The following RAI14 variants were observed in gnomAD, a reference collection of about 807,000 sequenced individuals.
RAI14 encodes the protein ankycorbin.
In RAI14, 45 loss-of-function variants were observed where a neutral mutation model predicts 115.4. The ratio of observed to expected loss-of-function variants is 0.39; its 90% CI spans 0.31 to 0.50. The LOEUF is 0.50. RAI14 is among the 20% of genes least tolerant of loss of function. The probability of loss-of-function intolerance (pLI) is 0.85; values close to 1 mark genes in which losing one functional copy is unlikely to be tolerated. For synonymous variants in RAI14, 371 were observed against 415.4 expected (o/e 0.89, Z 1.30); for missense variants, 939 against 1,131.2 (o/e 0.83, Z 2.44).
chr5:34,743,261 C>T (rs1181341810), intron 2 of RAI14, among the ~76,000 whole-genome samples: 1 of 152,158 alleles, frequency 6.6e-6, no homozygotes, highest in Non-Finnish European at 1.5e-5. Flanking sequence ...TCCTTTTGGA[C>T]ATTCTGAAGG....
intron 1 of RAI14, among the ~76,000 whole-genome samples, chr5:34,671,126 A>G (rs998579226): frequency 3.3e-5 from 5 of 152,170 alleles, no homozygotes; most frequent in African/African-American, 2.4e-5. Context: ...TCTTAAGAAC[A>G]ATAAGGAGGA....
At chr5:34,794,575 G>C (rs1753288765) in intron 3 of RAI14, among the ~76,000 whole-genome samples, 1 of 152,246 alleles carries the variant, frequency 6.6e-6, no homozygotes, top group African/African-American at 2.4e-5. Context: ...AGTTGCGTGA[G>C]TAGAGCCAGG....
chr5:34,750,847 C>CTTTTTTTTTTTTTT (rs1561309335), intron 2 of RAI14, among the ~76,000 whole-genome samples: 8 of 62,452 alleles, frequency 1.3e-4, no homozygotes, highest in African/African-American at 5.3e-4. Flanking sequence ...TTTGCTTTAT[C>CTTTTTTTTTTTTTT]ATTTTTTTTT....
chr5:34,806,515 G>A (rs1754913191), intron 5 of RAI14, among the ~76,000 whole-genome samples: 1 of 152,124 alleles, frequency 6.6e-6, no homozygotes, highest in Non-Finnish European at 1.5e-5. Context: ...AAGGGTGTCG[G>A]GAACAAGAAA....
chr5:34,800,894 C>T (rs928912636), intron 4 of RAI14, among the ~76,000 whole-genome samples: 4 of 152,174 alleles, frequency 2.6e-5, no homozygotes, highest in Non-Finnish European at 4.4e-5. Flanking sequence ...ACGACATAAA[C>T]GGTCTCCATC....
At position 34,827,415 on chromosome 5, in the gene RAI14, ATATC is replaced by A; in HGVS notation, c.2799+938_2799+941del. On this transcript the variant is annotated intron_variant, in intron 16 of 17. Coordinates refer to ENST00000265109, the MANE Select transcript of RAI14 (RefSeq NM_015577.3). This position sits in a 1 kb window ranked among gnomAD's most constrained non-coding sequence, Gnocchi z 4.2. ...AAGAGCCATTATTTAGCTTACCACA[ATATC>A]TGTTAAGGTTTGAGTTGGCATGGGT... 6.6e-6 allele frequency among the ~76,000 whole-genome samples: 1 copy of A among 152,276 alleles called. No individual in the cohort carries two copies. The highest frequency in any genetic ancestry group is 6.5e-5 in the Admixed American group (1 of 15,294).
At chr5:34,673,505 G>A (rs1743760659) in intron 1 of RAI14, among the ~76,000 whole-genome samples, 1 of 152,210 alleles carries the variant, frequency 6.6e-6, no homozygotes, top group Admixed American at 6.5e-5. Context: ...AATGCAACCT[G>A]CAATTGTGCT....
At chr5:34,696,127 T>C (rs1260036884) in intron 2 of RAI14, among the ~76,000 whole-genome samples, 1 of 152,014 alleles carries the variant, frequency 6.6e-6, no homozygotes, top group Admixed American at 6.6e-5. Flanking sequence ...TCTAGCATTT[T>C]ATTTATTTTT....
chr5:34,660,523 C>T (rs182453424), intron 1 of RAI14, among the ~76,000 whole-genome samples: 1 of 152,294 alleles, frequency 6.6e-6, no homozygotes, highest in East Asian at 1.9e-4. Flanking sequence ...GATTCTTGTG[C>T]AGAAACCTTT....
At chr5:34,720,602 G>A (rs1044740951) in intron 2 of RAI14, among the ~76,000 whole-genome samples, 2 of 151,874 alleles carry the variant, frequency 1.3e-5, no homozygotes, top group East Asian at 3.9e-4. Context: ...AGTAGAGATG[G>A]GGTTTCACCG....
At chr5:34,662,896 T>C (rs1286839937) in intron 1 of RAI14, among the ~76,000 whole-genome samples, 1 of 151,592 alleles carries the variant, frequency 6.6e-6, no homozygotes, top group African/African-American at 2.4e-5. Flanking sequence ...GCCCGGCTGA[T>C]TTTTGTATTT....
At chr5:34,673,493 G>A (rs1173120620) in intron 1 of RAI14, among the ~76,000 whole-genome samples, 1 of 152,194 alleles carries the variant, frequency 6.6e-6, no homozygotes, top group Admixed American at 6.5e-5. Context: ...TGAGCAGACC[G>A]AAATGCAACC....
At chr5:34,750,397 G>A (rs1388330592) in intron 2 of RAI14, among the ~76,000 whole-genome samples, 1 of 152,126 alleles carries the variant, frequency 6.6e-6, no homozygotes, top group Non-Finnish European at 1.5e-5. Context: ...AGGAATGTCT[G>A]TAACTGTACC....
intron 3 of RAI14, among the ~76,000 whole-genome samples, chr5:34,792,540 C>G (rs1753060344): frequency 6.6e-6 from 1 of 152,106 alleles, no homozygotes; most frequent in African/African-American, 2.4e-5. Flanking sequence ...GGCCCCTTTC[C>G]TGCTTTTCAA....
chr5:34,769,154 AT>A (rs1749820307), intron 3 of RAI14, among the ~76,000 whole-genome samples: 2 of 151,902 alleles, frequency 1.3e-5, no homozygotes, highest in African/African-American at 4.8e-5. Flanking sequence ...TATAGCATTC[AT>A]TTTTTACATG....
intron 2 of RAI14, chr5:34,733,083 T>A (rs1296859084): frequency 1.3e-5 from 2 of 152,160 alleles, no homozygotes; most frequent in Admixed American, 1.3e-4. Flanking sequence ...GAAAAAAGAT[T>A]GTTTTATTAT....
Position 34,827,741 on chromosome 5 carries a change from A to G in RAI14, c.2799+1262A>G, listed in dbSNP as rs140233631. ...TAGATAAAGTGCTATTGGTTTATAC[A>G]GTAATTCTTATAATTACGCAACATG... On this transcript the variant is annotated intron_variant, in intron 16 of 17. Transcript: ENST00000265109. This position sits in a 1 kb window ranked among gnomAD's most constrained non-coding sequence, Gnocchi z 4.2. 8.5e-5 allele frequency among the ~76,000 whole-genome samples: 13 copies of G among 152,362 alleles called. No homozygotes were observed. Among genetic ancestry groups the G allele is most frequent in the Non-Finnish European group, 1.6e-4 (11 of 68,032 alleles).
intron 13 of RAI14, 30 bp downstream of exon 13, chr5:34,818,881 T>C (rs995206586): frequency 1.3e-6 from 2 of 1,576,268 alleles, no homozygotes; most frequent in African/African-American, 1.4e-5. Context: ...GTTTTTTTTT[T>C]TCCTTCAACC....
chr5:34,658,658 C>T (rs1052578727), intron 1 of RAI14, among the ~76,000 whole-genome samples: 2 of 152,082 alleles, frequency 1.3e-5, no homozygotes, highest in Non-Finnish European at 2.9e-5. Flanking sequence ...ATTAGCTGGG[C>T]GTGGTGGCAC....
Sources: allele counts gnomAD v4.1 joint callset (sites outside exome capture counted in the v4.1 genomes callset), GRCh38; gene constraint gnomAD v4.1.1; non-coding constraint Gnocchi (gnomAD v3.1); transcripts MANE v1.5; gene names NCBI Gene and HGNC (gene_info 2026-07-23, HGNC 2026-07-21).